The following RREB1 variants were observed in gnomAD, a reference collection of about 807,000 sequenced individuals.
RREB1 encodes the protein ras-responsive element-binding protein 1.
A neutral mutation model predicts 117.8 loss-of-function variants in RREB1; 27 were observed. The observed-to-expected ratio is 0.23, with a 90% CI of 0.17 to 0.32. RREB1 has a LOEUF of 0.32. RREB1 is among the 10% of genes least tolerant of loss of function. RREB1 has a pLI of 1.00. For synonymous variants in RREB1, 1,298 were observed against 1,026.7 expected (o/e 1.26, Z -5.05); for missense variants, 2,577 against 2,378.2 (o/e 1.08, Z -1.74).
intron 6 of RREB1, among the ~76,000 whole-genome samples, chr6:7,204,627 G>C (rs376513246): frequency 6.6e-6 from 1 of 152,156 alleles, no homozygotes; most frequent in African/African-American, 2.4e-5. Context: ...AGCTTGGCAG[G>C]TCCTGGGCCG....
At chr6:7,125,861 G>A (rs1008075078) in intron 1 of RREB1, among the ~76,000 whole-genome samples, 15 of 152,188 alleles carry the variant, frequency 9.9e-5, no homozygotes, top group African/African-American at 3.4e-4. Flanking sequence ...TGGGATGGGG[G>A]TTCCCAGTGT....
intron 6 of RREB1, among the ~76,000 whole-genome samples, chr6:7,206,954 A>G (rs1293919820): frequency 6.6e-6 from 1 of 152,240 alleles, no homozygotes; most frequent in Non-Finnish European, 1.5e-5. Flanking sequence ...AGATAGGTGG[A>G]AGCCAGATTT....
chr6:7,121,724 C>A (rs535620161), intron 1 of RREB1, among the ~76,000 whole-genome samples: 11 of 152,214 alleles, frequency 7.2e-5, no homozygotes, highest in African/African-American at 2.6e-4. Context: ...TGCTCCCTAC[C>A]CCCAGGCAGT....
intron 11 of RREB1, among the ~76,000 whole-genome samples, chr6:7,245,882 G>A (rs921271586): frequency 6.6e-6 from 1 of 152,202 alleles, no homozygotes; most frequent in Non-Finnish European, 1.5e-5. Context: ...GGAGATGAGC[G>A]TCAGGCAAGA....
At chr6:7,184,458 T>G (rs1013026114) in intron 4 of RREB1, 2 of 151,630 alleles carry the variant, frequency 1.3e-5, no homozygotes, top group Admixed American at 1.3e-4. Context: ...GAGGTTTCAC[T>G]ATGTTGCCCA....
At chr6:7,222,944 C>G (rs1301825053) in intron 8 of RREB1, among the ~76,000 whole-genome samples, 1 of 152,102 alleles carries the variant, frequency 6.6e-6, no homozygotes, top group Non-Finnish European at 1.5e-5. Context: ...AGGCTGTGCA[C>G]TAGTACAGAA....
At chr6:7,165,488 T>G (rs1290947355) in intron 1 of RREB1, among the ~76,000 whole-genome samples, 1 of 152,248 alleles carries the variant, frequency 6.6e-6, no homozygotes, top group African/African-American at 2.4e-5. Context: ...AGGACTTGGT[T>G]TCAAAAGTAT....
chr6:7,131,393 A>C (rs551480363), intron 1 of RREB1, among the ~76,000 whole-genome samples: 1 of 152,174 alleles, frequency 6.6e-6, no homozygotes, highest in Non-Finnish European at 1.5e-5. Context: ...TAATCTTTTC[A>C]GTTACCTAAC....
Position 7,231,093 on chromosome 6 carries a change from G to T in RREB1, c.2994G>T (p.Ala998=). The part of the protein sequence containing the change: ...ILESPMAPAP[A]ATPEPPAQPL... Reference sequence around the variant, plus strand: ...AAAGCCCCATGGCCCCTGCTCCGGCGGCCACCCCGGAACCCCCAGCACAGC... The same window carrying T: ...AAAGCCCCATGGCCCCTGCTCCGGCTGCCACCCCGGAACCCCCAGCACAGC... Residue 998 remains alanine, a synonymous_variant, in exon 10 of 13, where the codon GCG becomes GCT. Coordinates refer to ENST00000379938, the MANE Select transcript of RREB1 (RefSeq NM_001003699.4). 6.2e-7 allele frequency: 1 copy of T among 1,613,066 alleles called. No individual in the cohort carries two copies. Among genetic ancestry groups the T allele is most frequent in the South Asian group, 1.1e-5 (1 of 91,080 alleles).
chr6:7,178,082 A>T (rs752639354), intron 2 of RREB1, among the ~76,000 whole-genome samples: 1 of 152,062 alleles, frequency 6.6e-6, no homozygotes, highest in Non-Finnish European at 1.5e-5. Context: ...CTTGTCTCAA[A>T]TTCCTGGCCT....
At chr6:7,247,291 C>T in intron 12 of RREB1, 70 bp downstream of exon 12, 1 of 1,412,946 alleles carries the variant, frequency 7.1e-7, no homozygotes, top group Non-Finnish European at 9.5e-7. Context: ...TAGGAGCTCC[C>T]CTGAAGCGGC....
rs1769390223 is a variant in RREB1, at chr6:7,251,131, CAGCTCCCAGCGACGTGTGTA to C, written c.*2164_*2183del. 1 of 152,162 alleles carries C rather than the reference CAGCTCCCAGCGACGTGTGTA, an allele frequency of 6.6e-6. No homozygotes were observed. The highest frequency in any genetic ancestry group is 1.5e-5 in the Non-Finnish European group (1 of 68,046). 9.4% of individuals were successfully genotyped at this position (152,162 alleles called of 1,614,324 possible). On this transcript the variant is annotated 3_prime_UTR_variant, in exon 13 of 13. Transcript: ENST00000379938. ...CGCTGCGGTGAGATGTAGCAGTAAT[CAGCTCCCAGCGACGTGTGTA>C]GCTGGGGCTGCCGCTCGCAATAATC...
intron 4 of RREB1, chr6:7,185,221 T>TAA (rs2113540861): frequency 6.6e-6 from 1 of 152,376 alleles, no homozygotes; most frequent in Admixed American, 6.5e-5. Flanking sequence ...TCCTTAATTC[T>TAA]TTTTGTGTGA....
At chr6:7,153,796 C>T (rs745951735) in intron 1 of RREB1, among the ~76,000 whole-genome samples, 41 of 152,278 alleles carry the variant, frequency 2.7e-4, no homozygotes, top group Non-Finnish European at 3.2e-4. Context: ...CATAAAGTGC[C>T]GTTGCTTGTT....
intron 1 of RREB1, among the ~76,000 whole-genome samples, chr6:7,110,219 G>A (rs895562355): frequency 6.6e-6 from 1 of 152,168 alleles, no homozygotes; most frequent in Non-Finnish European, 1.5e-5. Flanking sequence ...AAAAGAATGT[G>A]GTTTAGTTTT....
At chr6:7,149,964 T>TA (rs933947726) in intron 1 of RREB1, among the ~76,000 whole-genome samples, 63 of 151,076 alleles carry the variant, frequency 4.2e-4, no homozygotes, top group Admixed American at 1.5e-3. Context: ...GCTGGGATTA[T>TA]AGGCGTGGGC....
rs185825832 is a variant in RREB1 at position 7,112,952 on chromosome 6, G to A, written c.-285+4892G>A. The stretch of plus-strand genomic sequence containing the variant: ...GGATGGGGAGGAGGAGACTGGGAGC[G>A]ATCGGTGCATCTTATTTCTGGTGGG... On this transcript the variant is annotated intron_variant, in intron 1 of 12. Transcript: ENST00000379938. Among the ~76,000 whole-genome samples the A allele has an allele frequency of 2.9e-4, 44 of 152,292 alleles. No homozygotes were observed. In the East Asian group the frequency reaches 4.6e-3, roughly 16 times the overall value.
chr6:7,195,851 T>A (rs1413164287), intron 6 of RREB1, among the ~76,000 whole-genome samples: 1 of 152,216 alleles, frequency 6.6e-6, no homozygotes, highest in African/African-American at 2.4e-5. Context: ...ACTGTGCCAG[T>A]TTCATCTGAC....
rs199932819 is a variant in RREB1 at position 7,230,289 on chromosome 6, C to A, written c.2190C>A (p.Ile730=). 4.4e-6 allele frequency: 7 copies of A among 1,594,694 alleles called. No homozygotes were observed. The Admixed American group carries it at 8.4e-5, about 19-fold the overall frequency. The change falls in exon 10 of 13, where the codon ATC becomes ATA. Residue 730 remains isoleucine, a synonymous_variant. Transcript: ENST00000379938. ...ACCTCAAGGCCACCCGCAAGGATAT[C>A]GAGAAGAACATCGAGTATGTGAGTA... is the stretch of plus-strand genomic sequence containing the variant. The part of the protein sequence containing the change: ...KKHLKATRKD[I]EKNIEYVSSS...
Sources: gnomAD v4.1 joint callset for allele counts (sites outside exome capture counted in the v4.1 genomes callset) on GRCh38, gnomAD v4.1.1 for gene constraint, MANE v1.5 for transcripts, NCBI Gene and HGNC (gene_info 2026-07-23, HGNC 2026-07-21) for gene names.